Variants in HNF4G observed in about 807,000 individuals in gnomAD.
HNF4G encodes hepatocyte nuclear factor 4-gamma.
A neutral mutation model predicts 50.9 loss-of-function variants in HNF4G; 21 were observed. The observed-to-expected ratio is 0.41, with a 90% CI of 0.29 to 0.59. The LOEUF is 0.59. HNF4G is among the 20% of genes least tolerant of loss of function. The probability of loss-of-function intolerance (pLI) is 0.26; values close to 1 mark genes in which losing one functional copy is unlikely to be tolerated. For synonymous variants in HNF4G, 198 were observed against 185.6 expected (o/e 1.07, Z -0.54); for missense variants, 527 against 559.4 (o/e 0.94, Z 0.58).
At chr8:75,424,084 G>C (rs1245355600) in intron 1 of HNF4G, among the ~76,000 whole-genome samples, 1 of 152,104 alleles carries the variant, frequency 6.6e-6, no homozygotes, top group Middle Eastern at 3.4e-3. Context: ...GCCTCCCAAA[G>C]TGCTGAGATT....
chr8:75,469,534 G>A (rs1812066351), intron 1 of HNF4G, among the ~76,000 whole-genome samples: 2 of 152,120 alleles, frequency 1.3e-5, no homozygotes, highest in Admixed American at 6.5e-5. Context: ...TCATTTACTT[G>A]TGTTTTATCA....
chr8:75,491,363 A>G (rs1812624924), intron 2 of HNF4G, among the ~76,000 whole-genome samples: 1 of 151,898 alleles, frequency 6.6e-6, no homozygotes, highest in South Asian at 2.1e-4. Context: ...TAAAAAATGT[A>G]GTGAGTAATT....
At chr8:75,425,929 T>C (rs1270579247) in intron 1 of HNF4G, among the ~76,000 whole-genome samples, 1 of 152,192 alleles carries the variant, frequency 6.6e-6, no homozygotes, top group Non-Finnish European at 1.5e-5. Context: ...TACTGGACCA[T>C]AGGGGATACA....
chr8:75,489,056 G>A (rs1421165454), intron 1 of HNF4G, among the ~76,000 whole-genome samples: 1 of 152,134 alleles, frequency 6.6e-6, no homozygotes, highest in African/African-American at 2.4e-5. Flanking sequence ...CCTCCAATAT[G>A]GAGGTGGCTG....
intron 1 of HNF4G, among the ~76,000 whole-genome samples, chr8:75,447,029 G>C (rs1418153887): frequency 6.3e-5 from 9 of 142,426 alleles, no homozygotes; most frequent in East Asian, 2.1e-4. Context: ...TGACTTCAAA[G>C]TATACTACAA....
chr8:75,444,011 C>A (rs1426590412), intron 1 of HNF4G, among the ~76,000 whole-genome samples: 1 of 151,988 alleles, frequency 6.6e-6, no homozygotes. Context: ...TGAAAGAAAA[C>A]CTAGGGCAGC....
intron 2 of HNF4G, among the ~76,000 whole-genome samples, chr8:75,493,100 T>G (rs978548022): frequency 5.3e-5 from 8 of 152,132 alleles, no homozygotes; most frequent in Admixed American, 1.3e-4. Context: ...TAAATATGTG[T>G]AAAAATATGT....
chr8:75,460,412 G>A (rs1372106466), intron 1 of HNF4G, among the ~76,000 whole-genome samples: 1 of 152,192 alleles, frequency 6.6e-6, no homozygotes, highest in Non-Finnish European at 1.5e-5. Flanking sequence ...CAAACCAGCT[G>A]AAGGTGCTTA....
At chr8:75,512,574 C>G (rs1004299231) in intron 2 of HNF4G, among the ~76,000 whole-genome samples, 8 of 151,956 alleles carry the variant, frequency 5.3e-5, no homozygotes, top group African/African-American at 1.7e-4. Flanking sequence ...ATGCCATTCT[C>G]CTGACTCGGC....
chr8:75,421,869 G>C (rs1272580373), intron 1 of HNF4G, among the ~76,000 whole-genome samples: 1 of 152,162 alleles, frequency 6.6e-6, no homozygotes, highest in Admixed American at 6.5e-5. Context: ...GAGCAACAGG[G>C]CATGTTTTTC....
chr8:75,503,656 C>G (rs947210952), intron 2 of HNF4G, among the ~76,000 whole-genome samples: 3 of 152,178 alleles, frequency 2.0e-5, no homozygotes, highest in African/African-American at 4.8e-5. Context: ...CCTATAAATA[C>G]CCTTACTCTC....
At chr8:75,544,269 C>A (rs1194064871) in intron 2 of HNF4G, among the ~76,000 whole-genome samples, 2 of 152,182 alleles carry the variant, frequency 1.3e-5, no homozygotes, top group Non-Finnish European at 2.9e-5. Context: ...TCCTCTGTCA[C>A]TTTTTCTCCC....
At chr8:75,512,626 G>A (rs957920967) in intron 2 of HNF4G, among the ~76,000 whole-genome samples, 2 of 151,622 alleles carry the variant, frequency 1.3e-5, no homozygotes, top group Non-Finnish European at 2.9e-5. Context: ...CAAGACGCCC[G>A]GCTAATTTTT....
At chr8:75,557,704 G>GA (rs1228937449) in intron 6 of HNF4G, among the ~76,000 whole-genome samples, 2 of 152,166 alleles carry the variant, frequency 1.3e-5, no homozygotes, top group Admixed American at 1.3e-4. Flanking sequence ...TAAAGCTGGA[G>GA]AAAAAAGAGT....
chr8:75,498,180 G>T (rs1381563381), intron 2 of HNF4G, among the ~76,000 whole-genome samples: 1 of 151,822 alleles, frequency 6.6e-6, no homozygotes, highest in Non-Finnish European at 1.5e-5. Flanking sequence ...TCATTTTGAG[G>T]TATATTATTC....
At chr8:75,443,797 T>A (rs1400365796) in intron 1 of HNF4G, among the ~76,000 whole-genome samples, 1 of 152,198 alleles carries the variant, frequency 6.6e-6, no homozygotes, top group Non-Finnish European at 1.5e-5. Flanking sequence ...TGTAATTCAT[T>A]TTATGTTTAT....
At chr8:75,460,887 C>G (rs1051052600) in intron 1 of HNF4G, among the ~76,000 whole-genome samples, 1 of 152,134 alleles carries the variant, frequency 6.6e-6, no homozygotes, top group Non-Finnish European at 1.5e-5. Context: ...CAGAAGAAAA[C>G]AGTCTTCACC....
upstream of HNF4G, among the ~76,000 whole-genome samples, chr8:75,534,946 A>G (rs1455828741): frequency 6.7e-6 from 1 of 150,360 alleles, no homozygotes; most frequent in Non-Finnish European, 1.5e-5. Context: ...GGACAGGAAC[A>G]TGTTTCAAAA....
chr8:75,558,012 C>T (rs755819749), intron 6 of HNF4G, among the ~76,000 whole-genome samples: 2 of 151,258 alleles, frequency 1.3e-5, no homozygotes, highest in African/African-American at 2.4e-5. Flanking sequence ...TCAGAGGCAA[C>T]TCATGAGAAT....
Sources: gnomAD v4.1 joint callset for allele counts (sites outside exome capture counted in the v4.1 genomes callset) on GRCh38, gnomAD v4.1.1 for gene constraint, MANE v1.5 for transcripts, NCBI Gene and HGNC (gene_info 2026-07-23, HGNC 2026-07-21) for gene names.